Variants in ZNF277 observed in about 807,000 individuals in gnomAD.
The protein encoded by ZNF277 is nuclear receptor-interacting factor 4.
ZNF277 carries 55 observed loss-of-function variants against 60.7 expected under a neutral mutation model. The observed-to-expected ratio is 0.91, with a 90% CI of 0.73 to 1.13. The LOEUF (loss-of-function observed/expected upper bound fraction) is 1.13, where lower values mean the gene tolerates loss of function less well. ZNF277 is among the 50% of genes most tolerant of loss of function. The pLI is 0.00. For synonymous variants in ZNF277, 178 were observed against 179.3 expected, an observed-to-expected ratio of 0.99 and a Z score of 0.06; for missense variants, 510 against 523.0, an observed-to-expected ratio of 0.98 and a Z score of 0.24.
chr7:112,239,839 A>G (rs1790900478), intron 1 of ZNF277, among the ~76,000 whole-genome samples: 1 of 152,352 alleles, frequency 6.6e-6, no homozygotes, highest in African/African-American at 2.4e-5. Flanking sequence ...GAGTAGAGGG[A>G]CTAAAAGATG....
In ZNF277 at chr7:112,321,084, G is replaced by A. The variant is rs537927576; in HGVS notation, c.557+2811G>A. On this transcript the variant is annotated intron_variant, in intron 5 of 11. Coordinates refer to ENST00000361822, the MANE Select transcript of ZNF277 (RefSeq NM_021994.3). ...CTACAGGCGCCCGCAACCACGCCCGGCAAATTTTTTGTATTTTTAGTAGAG... is the reference window on the plus strand; with the variant it reads ...CTACAGGCGCCCGCAACCACGCCCGACAAATTTTTTGTATTTTTAGTAGAG... Among the ~76,000 whole-genome samples, 3 of 151,342 alleles carry A rather than the reference G, an allele frequency of 2.0e-5. 1 individual carries two copies. In the South Asian group the frequency reaches 6.3e-4, roughly 32 times the overall value.
intron 7 of ZNF277, among the ~76,000 whole-genome samples, chr7:112,331,046 G>A (rs183395254): frequency 1.7e-3 from 253 of 152,226 alleles, no homozygotes; most frequent in African/African-American, 5.8e-3. Flanking sequence ...ATTTTTAAGG[G>A]AAGTTTCAAG....
rs993719257 is a variant in ZNF277 at position 112,328,571 on chromosome 7, C to T, written c.668+744C>T. Among the ~76,000 whole-genome samples, 9 of 151,816 alleles carry T rather than the reference C, an allele frequency of 5.9e-5. No individual in the cohort carries two copies. In the South Asian group the frequency reaches 1.0e-3, roughly 18 times the overall value. On this transcript the variant is annotated intron_variant, in intron 6 of 11. Coordinates refer to ENST00000361822, the MANE Select transcript of ZNF277 (RefSeq NM_021994.3). ...CAACCCACAACACTGAGAGCAACAA[C>T]ATAGAAAAAAAAATAAGGGCCGGGT...
intron 1 of ZNF277, among the ~76,000 whole-genome samples, chr7:112,280,527 G>T (rs555211487): frequency 6.6e-6 from 1 of 152,266 alleles, no homozygotes; most frequent in African/African-American, 2.4e-5. Context: ...CAAGATGTTT[G>T]CCTCTTTGCT....
chr7:112,296,918 T>TTTTTA (rs1792361605), intron 4 of ZNF277, among the ~76,000 whole-genome samples: 1 of 58,936 alleles, frequency 1.7e-5, no homozygotes, highest in Non-Finnish European at 3.5e-5. Flanking sequence ...ATTTATTTTT[T>TTTTTA]TTTTTTTTTT....
chr7:112,236,016 G>A (rs1238402396), intron 1 of ZNF277, among the ~76,000 whole-genome samples: 3 of 151,932 alleles, frequency 2.0e-5, no homozygotes, highest in African/African-American at 7.2e-5. Context: ...AGCACCATTT[G>A]TTGAAAAAGC....
intron 4 of ZNF277, among the ~76,000 whole-genome samples, chr7:112,307,155 C>G (rs543744704): frequency 6.6e-6 from 1 of 152,212 alleles, no homozygotes; most frequent in South Asian, 2.1e-4. Context: ...GTTCATGTCT[C>G]TTTGCCCTAT....
Position 112,342,617 on chromosome 7 carries a change from A to T in ZNF277, c.1241A>T (p.Glu414Val), listed in dbSNP as rs1793466425. Residue 414 changes from glutamate (E) to valine (V), a missense_variant, in exon 12 of 12, where the codon GAA becomes GTA. Glu to Val is a moderately radical substitution (Grantham distance 121). Coordinates refer to ENST00000361822, the MANE Select transcript of ZNF277 (RefSeq NM_021994.3). ...CTCCTGTGTACACTATCTGACAGTG[A>T]AAGTGACCTGACAGCTCAGGAACAA... Reference protein sequence around the residue: ...DTLLCTLSDSESDLTAQEQNE... With the variant: ...DTLLCTLSDSVSDLTAQEQNE... 2.5e-6 allele frequency: 4 copies of T among 1,613,220 alleles called. No homozygotes were observed. The highest frequency in any genetic ancestry group is 8.5e-7 in the Non-Finnish European group (1 of 1,179,880).
intron 4 of ZNF277, among the ~76,000 whole-genome samples, chr7:112,314,596 C>T (rs1792801870): frequency 6.6e-6 from 1 of 151,982 alleles, no homozygotes; most frequent in Admixed American, 6.6e-5. Flanking sequence ...GAGTTCAAGG[C>T]CAGCCTGGGC....
At chr7:112,339,698 G>C (rs1793405926) in intron 9 of ZNF277, 145 bp from the exon 10 acceptor site, 1 of 718,470 alleles carries the variant, frequency 1.4e-6, no homozygotes, top group African/African-American at 1.8e-5. Context: ...GAAGTAGTTA[G>C]ACTTGGAAGA....
At chr7:112,219,695 G>A (rs1004372843) in intron 1 of ZNF277, among the ~76,000 whole-genome samples, 4 of 152,204 alleles carry the variant, frequency 2.6e-5, no homozygotes, top group Non-Finnish European at 5.9e-5. Context: ...AAGTGCAGTG[G>A]CACAATCACG....
intron 1 of ZNF277, among the ~76,000 whole-genome samples, chr7:112,240,913 A>T: frequency 6.6e-6 from 1 of 152,152 alleles, no homozygotes; most frequent in East Asian, 1.9e-4. Context: ...AGAAGAAAAC[A>T]TTGGGGAAAC....
rs143207680 is a variant in ZNF277, at chr7:112,302,993, G to A, written c.465+6682G>A. ...AGACAGAGTGTCAGTCTGTCACCCA[G>A]GCTGGAGTGCTGTGGCACAATCTTG... is the stretch of plus-strand genomic sequence containing the variant. On this transcript the variant is annotated intron_variant, in intron 4 of 11. Coordinates refer to ENST00000361822, the MANE Select transcript of ZNF277 (RefSeq NM_021994.3). 2.4e-3 allele frequency among the ~76,000 whole-genome samples: 349 copies of A among 145,284 alleles called. No homozygotes were observed. The Middle Eastern group carries it at 0.039, about 16-fold the overall frequency.
intron 1 of ZNF277, among the ~76,000 whole-genome samples, chr7:112,211,605 C>G (rs1346017733): frequency 1.3e-5 from 2 of 152,242 alleles, no homozygotes; most frequent in Non-Finnish European, 2.9e-5. Context: ...ACTTTACCTC[C>G]TTTAATCCAC....
chr7:112,298,987 A>G (rs1417421254), intron 4 of ZNF277, among the ~76,000 whole-genome samples: 3 of 152,100 alleles, frequency 2.0e-5, no homozygotes, highest in African/African-American at 7.2e-5. Flanking sequence ...TGGTCTGACA[A>G]GTCTGTGTAG....
intron 1 of ZNF277, among the ~76,000 whole-genome samples, chr7:112,242,376 G>A (rs1201022413): frequency 3.4e-4 from 52 of 151,990 alleles, no homozygotes. Flanking sequence ...CATTGGAAAA[G>A]AGGAAGCTAA....
At chr7:112,277,015 G>A (rs1791812767) in intron 1 of ZNF277, among the ~76,000 whole-genome samples, 1 of 150,382 alleles carries the variant, frequency 6.6e-6, no homozygotes, top group African/African-American at 2.4e-5. Context: ...GAAAATATAA[G>A]TAACAGGATA....
intron 7 of ZNF277, chr7:112,330,459 CCA>C: frequency 2.4e-6 from 1 of 425,468 alleles, no homozygotes; most frequent in Non-Finnish European, 4.1e-6. Flanking sequence ...GTCATCTTGA[CCA>C]AAAAAAAAAA....
chr7:112,275,064 T>A (rs1331266248), intron 1 of ZNF277, among the ~76,000 whole-genome samples: 1 of 152,252 alleles, frequency 6.6e-6, no homozygotes, highest in African/African-American at 2.4e-5. Flanking sequence ...TTCTGGTTAA[T>A]TAGATTTACC....
Sources: allele counts gnomAD v4.1 joint callset (sites outside exome capture counted in the v4.1 genomes callset), GRCh38; gene constraint gnomAD v4.1.1; transcripts MANE v1.5; gene names NCBI Gene and HGNC (gene_info 2026-07-23, HGNC 2026-07-21).